LGR5: variants seen among roughly 807,000 people sequenced by gnomAD.
The protein encoded by LGR5 is leucine-rich repeat-containing G protein-coupled receptor 5.
LGR5 carries 54 observed loss-of-function variants against 76.7 expected under a neutral mutation model. The ratio of observed to expected loss-of-function variants is 0.70; its 90% CI spans 0.57 to 0.88. The LOEUF (loss-of-function observed/expected upper bound fraction) is 0.88. Ranked by LOEUF, LGR5 falls within the 40% of genes least tolerant of loss-of-function variation. The pLI is 0.00. For missense variants in LGR5, 1,078 were observed against 1,073.3 expected (o/e 1.00, Z -0.06); for synonymous variants, 406 against 421.9 (o/e 0.96, Z 0.46).
intron 1 of LGR5, among the ~76,000 whole-genome samples, chr12:71,495,020 C>A (rs1001377507): frequency 1.3e-5 from 2 of 151,060 alleles, no homozygotes; most frequent in African/African-American, 2.5e-5. Flanking sequence ...TCAGCAGGTA[C>A]CTTTTGCCTG....
intron 1 of LGR5, among the ~76,000 whole-genome samples, chr12:71,454,620 T>C (rs1232354629): frequency 6.7e-6 from 1 of 150,086 alleles, no homozygotes; most frequent in Non-Finnish European, 1.5e-5. Context: ...AAAGGAGAGG[T>C]GAAGTTCAAG....
At chr12:71,494,724 A>G (rs1460379714) in intron 1 of LGR5, among the ~76,000 whole-genome samples, 2 of 151,026 alleles carry the variant, frequency 1.3e-5, no homozygotes, top group East Asian at 1.9e-4. Flanking sequence ...TTAAAATTCT[A>G]TCTACCTGAG....
intron 1 of LGR5, among the ~76,000 whole-genome samples, chr12:71,454,218 G>A (rs1385744542): frequency 2.0e-5 from 3 of 152,100 alleles, no homozygotes; most frequent in Non-Finnish European, 4.4e-5. Context: ...AAAAAACAAG[G>A]GAAATCTCCT....
intron 3 of LGR5, among the ~76,000 whole-genome samples, chr12:71,526,203 T>A (rs1295133234): frequency 1.3e-5 from 2 of 152,208 alleles, no homozygotes; most frequent in African/African-American, 4.8e-5. Flanking sequence ...CAATGCTGTA[T>A]GTTTATTAAT....
intron 13 of LGR5, among the ~76,000 whole-genome samples, chr12:71,577,163 C>A (rs549436772): frequency 2.0e-5 from 3 of 152,328 alleles, no homozygotes; most frequent in Admixed American, 6.5e-5. Flanking sequence ...ATGCCTACAT[C>A]TTAGTTACCA....
chr12:71,582,619 T>G (rs1175029849), intron 17 of LGR5, 80 bp downstream of exon 17: 4 of 1,093,802 alleles, frequency 3.7e-6, no homozygotes, highest in Non-Finnish European at 5.6e-6. Flanking sequence ...CAGCTATACT[T>G]TAAAAGCCGA....
chr12:71,497,174 G>A lies in LGR5; in HGVS notation c.213-7440G>A, dbSNP rs527305203. Among the ~76,000 whole-genome samples, 62 of 152,168 alleles carry A rather than the reference G, an allele frequency of 4.1e-4. No homozygotes were observed. The South Asian group carries it at 4.4e-3, about 11-fold the overall frequency. Reference sequence around the variant, plus strand: ...ACGAAAAAAAAAATTAATTAGCCAAGTATGGTAGTGCAAACCTGTGGTTCC... The same window carrying A: ...ACGAAAAAAAAAATTAATTAGCCAAATATGGTAGTGCAAACCTGTGGTTCC... On this transcript the variant is annotated intron_variant, in intron 1 of 17. Transcript: ENST00000266674.
At chr12:71,580,163 A>T (rs912881204) in intron 15 of LGR5, 115 bp from the exon 16 acceptor site, 3 of 925,856 alleles carry the variant, frequency 3.2e-6, no homozygotes, top group Non-Finnish European at 4.9e-6. Context: ...TATACTTTGG[A>T]TTATTTATTT....
Position 71,566,487 on chromosome 12 carries a change from T to C in LGR5, c.929+12T>C, listed in dbSNP as rs369404015. On this transcript the variant is annotated intron_variant, in intron 9 of 17. Transcript: ENST00000266674. ...GAACTAAGAACACTGTAAGTTTCTA[T>C]GTCTCTTATGGATCACTTTCCCTCT... The C allele has an allele frequency of 1.8e-5, 29 of 1,582,514 alleles. No homozygotes were observed. The highest frequency in any genetic ancestry group is 2.3e-5 in the Non-Finnish European group (27 of 1,151,884).
intron 1 of LGR5, chr12:71,448,664 T>C (rs2137203590): frequency 6.6e-6 from 1 of 152,368 alleles, no homozygotes; most frequent in East Asian, 1.9e-4. Flanking sequence ...TATATGGTTG[T>C]TATTATGTGA....
chr12:71,585,114 A>G lies in LGR5; in HGVS notation c.*380A>G, dbSNP rs1429400030. The G allele has an allele frequency of 1.7e-5, 3 of 173,678 alleles. No homozygotes were observed. Among genetic ancestry groups the G allele is most frequent in the South Asian group, 1.6e-4 (1 of 6,406 alleles). The allele number at this position is 173,678 out of a possible 1,614,324, so 10.8% of individuals were successfully genotyped here. On this transcript the variant is annotated 3_prime_UTR_variant, in exon 18 of 18. Coordinates refer to ENST00000266674, the MANE Select transcript of LGR5 (RefSeq NM_003667.4). ...TTGCTTTCCAAATGGGTTTATTTAA[A>G]CCCACAAACTCAAGAGGTTGTTGGG...
chr12:71,577,652 A>G (rs1159474422), intron 13 of LGR5, among the ~76,000 whole-genome samples: 1 of 152,216 alleles, frequency 6.6e-6, no homozygotes, highest in African/African-American at 2.4e-5. Flanking sequence ...AAAATTTTAC[A>G]ACCATGTTAA....
chr12:71,523,373 G>T (rs1332484489), intron 2 of LGR5, among the ~76,000 whole-genome samples: 1 of 152,056 alleles, frequency 6.6e-6, no homozygotes, highest in Non-Finnish European at 1.5e-5. Context: ...GCAGGGGGCT[G>T]GGTACTATGG....
chr12:71,495,677 A>G (rs4760938), intron 1 of LGR5, among the ~76,000 whole-genome samples: 88,008 of 150,864 alleles, frequency 0.58, 26,737 homozygotes, highest in East Asian at 0.85. Flanking sequence ...AACTTCCTCA[A>G]GGTTACTCAA....
rs35134425 is a variant in LGR5 at position 71,530,996 on chromosome 12, G to GAAAAA, written c.357-4106_357-4102dup. The stretch of plus-strand genomic sequence containing the variant: ...ACCTGTTCTTACTTAGTCCTGTTGG[G>GAAAAA]AAAAAAAAAAAAAAAAAGTGGGGGA... On this transcript the variant is annotated intron_variant, in intron 3 of 17. Transcript: ENST00000266674. Among the ~76,000 whole-genome samples, 174 of 138,654 alleles carry GAAAAA rather than the reference G, an allele frequency of 1.3e-3. 5 individuals are homozygous for GAAAAA. In the South Asian group the frequency reaches 0.017, roughly 13 times the overall value. 91.0% of individuals were successfully genotyped at this position (138,654 alleles called of 152,430 possible). A position where few individuals can be genotyped will look rare whatever the true frequency, so the allele number is the denominator to read the frequency against.
chr12:71,541,338 TA>T (rs1876870238), intron 4 of LGR5, among the ~76,000 whole-genome samples: 1 of 152,214 alleles, frequency 6.6e-6, no homozygotes, highest in South Asian at 2.1e-4. Flanking sequence ...AGTCCTGTGA[TA>T]AATTGCATGC....
At chr12:71,473,920 T>G (rs138510298) in intron 1 of LGR5, among the ~76,000 whole-genome samples, 188 of 152,270 alleles carry the variant, frequency 1.2e-3, no homozygotes, top group African/African-American at 4.5e-3. Context: ...CAGAGGTCAG[T>G]CTTCTTGCAA....
At chr12:71,473,319 A>C (rs937614819) in intron 1 of LGR5, among the ~76,000 whole-genome samples, 1 of 152,108 alleles carries the variant, frequency 6.6e-6, no homozygotes, top group African/African-American at 2.4e-5. Context: ...ATAAATTATC[A>C]TCTTTTCAAC....
intron 10 of LGR5, 62 bp from the exon 11 acceptor site, chr12:71,566,779 T>A: frequency 6.3e-7 from 1 of 1,578,796 alleles, no homozygotes. Flanking sequence ...CATCAGTGAG[T>A]CAAAATATGT....
Sources: gnomAD v4.1 joint callset for allele counts (sites outside exome capture counted in the v4.1 genomes callset) on GRCh38, gnomAD v4.1.1 for gene constraint, MANE v1.5 for transcripts, NCBI Gene and HGNC (gene_info 2026-07-23, HGNC 2026-07-21) for gene names.